LRP2: variants seen among roughly 807,000 people sequenced by gnomAD.
LRP2 encodes the protein LDL receptor related protein 2, also known as low-density lipoprotein receptor-related protein 2.
In LRP2, 172 loss-of-function variants were observed where a neutral mutation model predicts 531.0. The observed-to-expected ratio is 0.32, with a 90% CI of 0.29 to 0.37. The LOEUF (loss-of-function observed/expected upper bound fraction) is 0.37, where lower values mean the gene tolerates loss of function less well. LRP2 is among the 10% of genes least tolerant of loss of function. LRP2 has a pLI of 1.00. For missense variants in LRP2, 5,167 were observed against 5,868.3 expected, an observed-to-expected ratio of 0.88 and a Z score of 3.90; for synonymous variants, 1,992 against 2,027.6, an observed-to-expected ratio of 0.98 and a Z score of 0.47.
intron 19 of LRP2, 63 bp downstream of exon 19, chr2:169,256,043 A>C (rs1040383451): frequency 7.8e-6 from 12 of 1,541,746 alleles, no homozygotes; most frequent in Non-Finnish European, 1.1e-5. Flanking sequence ...CATGAGGATG[A>C]GTTTACTATT....
rs182979973 is a variant in LRP2, at chr2:169,136,254, G to A, written c.13620+1138C>T. On this transcript the variant is annotated intron_variant, in intron 76 of 78. Transcript: ENST00000649046. ...CTCTCCCACTCTAGGTTCCCACACC[G>A]CCCCTAATCCCACTTGAGCAGCCCT... Among the ~76,000 whole-genome samples, 574 of 150,674 alleles carry A rather than the reference G, an allele frequency of 3.8e-3. 4 individuals are homozygous for A. The highest frequency in any genetic ancestry group is 0.013 in the African/African-American group (525 of 41,018).
rs777288693 is a variant in LRP2 at position 169,275,141 on chromosome 2, C to T, written c.1870G>A (p.Val624Met). The T allele has an allele frequency of 5.6e-6, 9 of 1,613,710 alleles. No homozygotes were observed. The highest frequency in any genetic ancestry group is 1.7e-5 in the Admixed American group (1 of 59,898). ...TCTGTGAACTTGTTTGCCTTCAGCA[C>T]GGCCATCTTTGTCCAATCTGTAAAG... ...VFFTDWTKMAVLKANKFTETN... is the reference protein window; with the variant it reads ...VFFTDWTKMAMLKANKFTETN... The change falls in exon 14 of 79, where the codon GTG becomes ATG. Residue 624 changes from valine (V) to methionine (M), a missense_variant. By Grantham distance (21) the Val-to-Met change is conservative. This residue lies in a region of LRP2 where 2,811 missense variants were observed against 3,058.0 expected (regional missense o/e 0.92). Coordinates refer to ENST00000649046, the MANE Select transcript of LRP2 (RefSeq NM_004525.3).
At chr2:169,223,762 A>T (rs1026919109) in intron 33 of LRP2, among the ~76,000 whole-genome samples, 3 of 152,198 alleles carry the variant, frequency 2.0e-5, no homozygotes, top group Non-Finnish European at 4.4e-5. Flanking sequence ...AGGAGCCTCC[A>T]AGGGGCCCTT....
intron 71 of LRP2, among the ~76,000 whole-genome samples, chr2:169,142,042 G>A (rs181885191): frequency 4.4e-4 from 67 of 152,300 alleles, no homozygotes; most frequent in Non-Finnish European, 4.4e-4. Flanking sequence ...CCATAAAATG[G>A]GCCGCTAGTG....
At position 169,362,442 on chromosome 2, in the gene LRP2, T is replaced by G. The variant is rs1374170211; in HGVS notation, c.-43A>C. The G allele has an allele frequency of 1.3e-6, 2 of 1,508,770 alleles. No individual in the cohort carries two copies. The highest frequency in any genetic ancestry group is 1.2e-5 in the South Asian group (1 of 83,368). The allele number at this position is 1,508,770 out of a possible 1,614,324, so 93.5% of individuals were successfully genotyped here. ...GCCTCGCCGTTCCTTCCCCGGGAGG[T>G]GGGCGCGCGTAGCACACCGCACCGG... On this transcript the variant is annotated 5_prime_UTR_variant, in exon 1 of 79. Transcript: ENST00000649046.
chr2:169,344,675 C>T (rs1015300449), intron 1 of LRP2, among the ~76,000 whole-genome samples: 2 of 152,078 alleles, frequency 1.3e-5, no homozygotes, highest in Non-Finnish European at 2.9e-5. Context: ...CGAGTTTTAA[C>T]TTAGAAAACA....
intron 1 of LRP2, among the ~76,000 whole-genome samples, chr2:169,361,328 CTG>C (rs1686143992): frequency 5.4e-5 from 3 of 55,102 alleles, no homozygotes; most frequent in East Asian, 8.2e-4. Context: ...CTGTCTCTCT[CTG>C]TCTCTCTCTG....
At chr2:169,301,858 C>A (rs1054199429) in intron 4 of LRP2, among the ~76,000 whole-genome samples, 3 of 152,068 alleles carry the variant, frequency 2.0e-5, no homozygotes, top group Non-Finnish European at 2.9e-5. Flanking sequence ...GTATGAACTA[C>A]AACCTAGGGG....
At chr2:169,256,272 A>G (rs1179411335) in intron 18 of LRP2, 36 bp from the exon 19 acceptor site, 1 of 1,596,104 alleles carries the variant, frequency 6.3e-7, no homozygotes, top group African/African-American at 1.3e-5. Flanking sequence ...CTCTTATCCA[A>G]AAACTATCAG....
chr2:169,259,088 G>A lies in LRP2; in HGVS notation c.2450C>T (p.Thr817Met), dbSNP rs147791791. 57 of 1,613,336 alleles carry A rather than the reference G, an allele frequency of 3.5e-5. No individual in the cohort carries two copies. The highest frequency in any genetic ancestry group is 4.5e-5 in the Non-Finnish European group (53 of 1,179,574). The change falls in exon 17 of 79, where the codon ACG becomes ATG. Residue 817 changes from threonine (T) to methionine (M), a missense_variant. This residue lies in a region of LRP2 where 2,811 missense variants were observed against 3,058.0 expected (regional missense o/e 0.92). Coordinates refer to ENST00000649046, the MANE Select transcript of LRP2 (RefSeq NM_004525.3). ...TAAATACTGAACTACTGTGCGTCTC[G>A]TTTTATCAGCTAGCCTCATGACACT... The part of the protein sequence containing the change: ...SISVMRLADK[T>M]RRTVVQYLNN...
intron 16 of LRP2, among the ~76,000 whole-genome samples, chr2:169,267,389 A>T (rs1379205677): frequency 1.3e-5 from 2 of 152,126 alleles, no homozygotes; most frequent in Non-Finnish European, 2.9e-5. Context: ...AAAGAACAGA[A>T]ATTATAACAA....
chr2:169,139,566 G>A lies in LRP2; in HGVS notation c.13244C>T (p.Ser4415Leu), dbSNP rs1368021758. 6.2e-7 allele frequency: 1 copy of A among 1,614,162 alleles called. No homozygotes were observed. Among genetic ancestry groups the A allele is most frequent in the South Asian group, 1.1e-5 (1 of 91,078 alleles). Residue 4415 changes from serine to leucine, a missense_variant, in exon 73 of 79, where the codon TCA becomes TTA. Ser to Leu is a moderately radical substitution (Grantham distance 145, BLOSUM62 -2). This residue lies in a region of LRP2 where 348 missense variants were observed against 369.3 expected (regional missense o/e 0.94). Coordinates refer to ENST00000649046, the MANE Select transcript of LRP2 (RefSeq NM_004525.3). The part of the protein sequence containing the change: ...YTGKYCEMAF[S>L]KGISPGTTAV... ...ACTTGTTCCTGGAGAGATGCCTTTTGAAAACGCCATTTCACAATATTTTCC... is the reference window on the plus strand; with the variant it reads ...ACTTGTTCCTGGAGAGATGCCTTTTAAAAACGCCATTTCACAATATTTTCC...
At chr2:169,258,979 A>G (rs1690423256) in intron 17 of LRP2, 46 bp downstream of exon 17, 2 of 1,535,358 alleles carry the variant, frequency 1.3e-6, no homozygotes, top group Non-Finnish European at 9.0e-7. Flanking sequence ...AATGACTGTA[A>G]AAGACATACA....
At chr2:169,324,358 AT>A (rs57301963) in intron 1 of LRP2, among the ~76,000 whole-genome samples, 7,817 of 151,970 alleles carry the variant, frequency 0.051, 230 homozygotes, top group Non-Finnish European at 0.06. Context: ...TAAAAATCTG[AT>A]TTTTTTCCCC....
chr2:169,140,630 T>C, intron 71 of LRP2, 85 bp from the exon 72 acceptor site: 1 of 1,011,792 alleles, frequency 9.9e-7, no homozygotes, highest in South Asian at 1.3e-5. Flanking sequence ...AGGTTAGGGG[T>C]GGGAGGAGGG....
intron 77 of LRP2, among the ~76,000 whole-genome samples, chr2:169,131,861 A>T (rs1003456): frequency 0.8 from 121,293 of 152,246 alleles, 48,620 homozygotes; most frequent in Middle Eastern, 0.86. Context: ...TATAGCTGCA[A>T]ATGCATTCAT....
At chr2:169,211,828 G>A in intron 37 of LRP2, 140 bp downstream of exon 37, 1 of 1,186,922 alleles carries the variant, frequency 8.4e-7, no homozygotes, top group Non-Finnish European at 1.2e-6. Flanking sequence ...AAACACTTTA[G>A]GCTGTGCCAG....
chr2:169,195,291 G>C (rs1033110517), intron 46 of LRP2, among the ~76,000 whole-genome samples: 1 of 152,054 alleles, frequency 6.6e-6, no homozygotes, highest in African/African-American at 2.4e-5. Flanking sequence ...GCTAATTGCA[G>C]AAAATATGTA....
At position 169,290,846 on chromosome 2, in the gene LRP2, A is replaced by G. The variant is rs1342758249; in HGVS notation, c.921T>C (p.Cys307=). The change falls in exon 8 of 79, where the codon TGT becomes TGC. Residue 307 remains cysteine (C), a splice_region_variant and synonymous_variant. Coordinates refer to ENST00000649046, the MANE Select transcript of LRP2 (RefSeq NM_004525.3). ...ACCCAGGTAAATGTCTATACTCACT[A>G]CAGTATTTTCCGGTACTAGTGTTGT... is the stretch of plus-strand genomic sequence containing the variant. ...DENNTSTGKY[C]SMTLCSALNC... 1.2e-6 allele frequency: 2 copies of G among 1,613,986 alleles called. No individual in the cohort carries two copies. Among genetic ancestry groups the G allele is most frequent in the Non-Finnish European group, 1.7e-6 (2 of 1,179,892 alleles).
Sources: gnomAD v4.1 joint callset for allele counts (sites outside exome capture counted in the v4.1 genomes callset) on GRCh38, gnomAD v4.1.1 for gene constraint, gnomAD v4.1.1 regional missense constraint, MANE v1.5 for transcripts, NCBI Gene and HGNC (gene_info 2026-07-23, HGNC 2026-07-21) for gene names.